Variants in KNTC1 observed in about 807,000 individuals in gnomAD.
KNTC1 encodes kinetochore associated 1.
KNTC1 carries 253 observed loss-of-function variants against 314.4 expected under a neutral mutation model. The ratio of observed to expected loss-of-function variants is 0.80; its 90% CI spans 0.73 to 0.89. The LOEUF (loss-of-function observed/expected upper bound fraction) is 0.89. Ranked by LOEUF, KNTC1 falls within the 40% of genes least tolerant of loss-of-function variation. KNTC1 has a pLI of 0.00. For synonymous variants in KNTC1, 901 were observed against 901.4 expected (o/e 1.00, Z 0.01); for missense variants, 2,475 against 2,572.9 (o/e 0.96, Z 0.82).
intron 33 of KNTC1, among the ~76,000 whole-genome samples, chr12:122,582,281 G>C (rs1868520209): frequency 6.6e-6 from 1 of 152,116 alleles, no homozygotes; most frequent in South Asian, 2.1e-4. Context: ...AGCTGGGCGT[G>C]GTGATGCGTG....
chr12:122,602,832 C>T lies in KNTC1; in HGVS notation c.4829C>T (p.Thr1610Ile), dbSNP rs772911607. 9.3e-6 allele frequency: 15 copies of T among 1,612,742 alleles called. No homozygotes were observed. In the African/African-American group the frequency reaches 1.5e-4, roughly 16 times the overall value. Residue 1610 changes from threonine to isoleucine, a missense_variant, in exon 47 of 64, where the codon ACA (threonine) becomes ATA (isoleucine). Thr to Ile is a moderately conservative substitution (Grantham distance 89). Coordinates refer to ENST00000333479, the MANE Select transcript of KNTC1 (RefSeq NM_014708.6). Reference protein sequence around the residue: ...TAQNFWKILSTELSEESFPTL... With the variant: ...TAQNFWKILSIELSEESFPTL... The stretch of plus-strand genomic sequence containing the variant: ...ACTTTCCTTGTTTCCTTTCTAGCTA[C>T]AGAACTCAGTGAAGAATCTTTCCCA...
At chr12:122,547,139 T>C (rs557605361) in intron 10 of KNTC1, among the ~76,000 whole-genome samples, 1 of 152,194 alleles carries the variant, frequency 6.6e-6, no homozygotes, top group African/African-American at 2.4e-5. Context: ...TGGTCTGAAA[T>C]GTAAATTTTT....
chr12:122,530,474 A>C (rs1593465724), intron 2 of KNTC1, among the ~76,000 whole-genome samples: 1 of 149,232 alleles, frequency 6.7e-6, no homozygotes, highest in Non-Finnish European at 1.5e-5. Context: ...TTTTTGAGAC[A>C]GATTCTTACT....
rs367845063 is a variant in KNTC1 at position 122,581,088 on chromosome 12, T to TTC, written c.2982+435_2982+436dup. 7.6e-4 allele frequency among the ~76,000 whole-genome samples: 113 copies of TTC among 149,652 alleles called. 2 individuals are homozygous for TTC. The highest frequency in any genetic ancestry group is 4.1e-3 in the East Asian group (21 of 5,122). ...TAGGGACTGGAGATACTGGTTTTCC[T>TTC]TCTCTCTCTCTCTCTCTCAACAGCT... On this transcript the variant is annotated intron_variant, in intron 33 of 63. Transcript: ENST00000333479.
intron 44 of KNTC1, among the ~76,000 whole-genome samples, chr12:122,601,010 C>T (rs1399933427): frequency 6.6e-6 from 1 of 152,014 alleles, no homozygotes; most frequent in African/African-American, 2.4e-5. Flanking sequence ...CCTTTGATAC[C>T]TTTTTTTAGC....
At chr12:122,623,353 A>G (rs552869122) in intron 62 of KNTC1, among the ~76,000 whole-genome samples, 168 of 152,300 alleles carry the variant, frequency 1.1e-3, no homozygotes, top group Middle Eastern at 6.8e-3. Context: ...GCTGACACTA[A>G]AGAAAGGGAA....
chr12:122,573,383 A>G, intron 26 of KNTC1, 98 bp downstream of exon 26: 1 of 1,089,800 alleles, frequency 9.2e-7, no homozygotes, highest in Non-Finnish European at 1.3e-6. Context: ...ATGCTTTCTC[A>G]GTAGGACTCA....
intron 52 of KNTC1, 101 bp from the exon 53 acceptor site, chr12:122,610,721 G>GA: frequency 2.8e-6 from 2 of 725,200 alleles, no homozygotes; most frequent in South Asian, 3.3e-5. Flanking sequence ...ATCTGCCTTT[G>GA]AGTTGTCTAA....
intron 20 of KNTC1, among the ~76,000 whole-genome samples, chr12:122,567,662 A>T (rs1396093998): frequency 6.6e-6 from 1 of 151,524 alleles, no homozygotes. Context: ...ACATGGTGAA[A>T]CCCCATCTCT....
At chr12:122,612,448 ACT>A (rs778636455) in intron 53 of KNTC1, among the ~76,000 whole-genome samples, 1 of 132,574 alleles carries the variant, frequency 7.5e-6, no homozygotes, top group Non-Finnish European at 1.6e-5. Flanking sequence ...AGAGAGTCTC[ACT>A]CTGTTGCCCA....
chr12:122,570,962 AC>A (rs1366631694), intron 23 of KNTC1, 30 bp downstream of exon 23: 3 of 1,588,662 alleles, frequency 1.9e-6, no homozygotes, highest in Admixed American at 3.4e-5. Context: ...CAGTAAAAAG[AC>A]ATTTTGCACA....
In KNTC1 at chr12:122,538,385, T is replaced by G. The variant is rs1962017219; in HGVS notation, c.297T>G (p.Leu99=). Residue 99 remains leucine (L), a synonymous_variant, in exon 4 of 64, where the codon CTT becomes CTG. Transcript: ENST00000333479. ...VVGLCQEGKF[L]LVGERSGNLH... is the part of the protein sequence containing the mutation. ...GCCTTTGTCAAGAAGGAAAGTTTCTTTTGGTTGGCGAGAGAAGTGGCAACC... is the reference window on the plus strand; with the variant it reads ...GCCTTTGTCAAGAAGGAAAGTTTCTGTTGGTTGGCGAGAGAAGTGGCAACC... 7 of 1,605,858 alleles carry G rather than the reference T, an allele frequency of 4.4e-6. No homozygotes were observed. The highest frequency in any genetic ancestry group is 6.0e-6 in the Non-Finnish European group (7 of 1,175,946).
chr12:122,594,972 T>G (rs922234649), intron 43 of KNTC1, among the ~76,000 whole-genome samples: 1 of 152,204 alleles, frequency 6.6e-6, no homozygotes, highest in Admixed American at 6.5e-5. Context: ...AGCCTCCACC[T>G]TCAAGCCATT....
rs1013795802 is a variant in KNTC1, at chr12:122,603,134, C to G, written c.4992C>G (p.Asn1664Lys). The change falls in exon 48 of 64, where the codon AAC becomes AAG. Residue 1664 changes from asparagine (N) to lysine (K), a missense_variant. Transcript: ENST00000333479. The stretch of plus-strand genomic sequence containing the variant: ...AAGCTAAATCCTCAACACTGATTAA[C>G]AAGGAAATAACTAAGATCACGCAGA... ...LTQAKSSTLI[N>K]KEITKITQTI... 2 of 1,613,578 alleles carry G rather than the reference C, an allele frequency of 1.2e-6. No individual in the cohort carries two copies. The highest frequency in any genetic ancestry group is 1.7e-6 in the Non-Finnish European group (2 of 1,179,800).
At chr12:122,626,110 ATCACT>A (rs1489488537) in intron 63 of KNTC1, 90 bp from the exon 64 acceptor site, 3 of 838,768 alleles carry the variant, frequency 3.6e-6, no homozygotes, top group African/African-American at 3.4e-5. Context: ...GTAGATTTGT[ATCACT>A]TCACTTAAGT....
Position 122,603,091 on chromosome 12 carries a change from A to C in KNTC1, c.4949A>C (p.Lys1650Thr). The part of the protein sequence containing the change: ...KHVFEKKLKP[K>T]LLKLTQAKSS... ...GTTTTCGAAAAAAAACTGAAGCCAA[A>C]GCTCCTGAAGTTAACACAAGCTAAA... The change falls in exon 48 of 64, where the codon AAG becomes ACG. Residue 1650 changes from lysine to threonine, a missense_variant. By Grantham distance (78) the Lys-to-Thr change is moderately conservative. Transcript: ENST00000333479. The C allele has an allele frequency of 6.2e-7, 1 of 1,613,916 alleles. No individual in the cohort carries two copies. The highest frequency in any genetic ancestry group is 8.5e-7 in the Non-Finnish European group (1 of 1,179,882).
At chr12:122,599,363 AT>A (rs11439986) in intron 44 of KNTC1, among the ~76,000 whole-genome samples, 1 of 149,256 alleles carries the variant, frequency 6.7e-6, no homozygotes, top group Non-Finnish European at 1.5e-5. Flanking sequence ...AGGGAAAAAA[AT>A]TTTTTTTTTT....
intron 51 of KNTC1, among the ~76,000 whole-genome samples, chr12:122,606,004 G>A (rs967742909): frequency 2.6e-5 from 4 of 151,826 alleles, no homozygotes; most frequent in Non-Finnish European, 5.9e-5. Context: ...CACCATGTGT[G>A]GCTAATGTTT....
intron 6 of KNTC1, among the ~76,000 whole-genome samples, chr12:122,543,093 A>G (rs1179878564): frequency 6.6e-6 from 1 of 151,834 alleles, no homozygotes; most frequent in Admixed American, 6.6e-5. Context: ...TTGTATTTTT[A>G]CTAGAGGCGG....
Sources: gnomAD v4.1 joint callset for allele counts (sites outside exome capture counted in the v4.1 genomes callset) on GRCh38, gnomAD v4.1.1 for gene constraint, MANE v1.5 for transcripts, NCBI Gene and HGNC (gene_info 2026-07-23, HGNC 2026-07-21) for gene names.